The following NEK11 variants were observed in gnomAD, a reference collection of about 807,000 sequenced individuals.
The protein encoded by NEK11 is serine/threonine-protein kinase Nek11.
In NEK11, 72 loss-of-function variants were observed where a neutral mutation model predicts 80.7. The ratio of observed to expected loss-of-function variants is 0.89; its 90% confidence interval spans 0.74 to 1.08. NEK11 has a LOEUF of 1.08. NEK11 is among the 50% of genes least tolerant of loss of function. The pLI, the probability that NEK11 is intolerant of heterozygous loss-of-function variation, is 0.00. For missense variants in NEK11, 764 were observed against 763.6 expected (o/e 1.00, Z -0.01); for synonymous variants, 251 against 260.7 (o/e 0.96, Z 0.36).
At chr3:131,195,025 C>A (rs538639367) in intron 14 of NEK11, among the ~76,000 whole-genome samples, 19 of 152,288 alleles carry the variant, frequency 1.2e-4, no homozygotes, top group African/African-American at 4.3e-4. Context: ...AGTTGCCCAA[C>A]GCTGAGGAGC....
Position 131,080,546 on chromosome 3 carries a change from T to G in NEK11, c.294T>G (p.Phe98Leu), listed in dbSNP as rs1577970653. Residue 98 changes from phenylalanine (F) to leucine (L), a missense_variant, in exon 4 of 18, where the codon TTT (phenylalanine) becomes TTG (leucine). Physicochemically the swap from Phe to Leu is conservative, Grantham distance 22. Coordinates refer to ENST00000383366, the MANE Select transcript of NEK11 (RefSeq NM_024800.5). ...CCATTGTCAAGTTCCATGCAAGTTT[T>G]GTGGAGCAAGATAATTTCTGCATTA... ...HPAIVKFHAS[F>L]VEQDNFCIIT... is the part of the protein sequence containing the mutation. 6.2e-7 allele frequency: 1 copy of G among 1,613,806 alleles called. No individual in the cohort carries two copies. Among genetic ancestry groups the G allele is most frequent in the African/African-American group, 1.3e-5 (1 of 75,014 alleles).
At chr3:131,184,210 A>C (rs1183560424) in intron 14 of NEK11, among the ~76,000 whole-genome samples, 1 of 152,254 alleles carries the variant, frequency 6.6e-6, no homozygotes. Flanking sequence ...ATAGGAATGT[A>C]TCATACCACA....
chr3:131,334,682 G>C (rs1431037529), intron 17 of NEK11, among the ~76,000 whole-genome samples: 1 of 151,932 alleles, frequency 6.6e-6, no homozygotes, highest in Non-Finnish European at 1.5e-5. Flanking sequence ...TCCAGGAGCT[G>C]GTTTTTTTGA....
At chr3:131,037,322 T>C (rs1560116474) in intron 3 of NEK11, among the ~76,000 whole-genome samples, 2 of 151,696 alleles carry the variant, frequency 1.3e-5, no homozygotes, top group Non-Finnish European at 2.9e-5. Context: ...TCTTGCTCTG[T>C]TGCCAGGCTG....
intron 14 of NEK11, among the ~76,000 whole-genome samples, chr3:131,213,581 C>G (rs183692876): frequency 1.3e-5 from 2 of 152,294 alleles, no homozygotes; most frequent in East Asian, 3.9e-4. Flanking sequence ...AATCCTTCAG[C>G]TGTGGTGGTC....
chr3:131,330,112 G>A (rs973092202), intron 17 of NEK11: 2 of 152,188 alleles, frequency 1.3e-5, no homozygotes, highest in African/African-American at 4.8e-5. Context: ...TTTTAAAAAT[G>A]GAGCTGATAG....
chr3:131,299,049 A>G (rs2096632853), intron 17 of NEK11, among the ~76,000 whole-genome samples: 1 of 151,974 alleles, frequency 6.6e-6, no homozygotes. Flanking sequence ...AAGCCCATCA[A>G]AGGCATTCTT....
In NEK11 at chr3:131,191,609, T is replaced by C. The variant is rs575474485; in HGVS notation, c.1399+20722T>C. Among the ~76,000 whole-genome samples, 5 of 152,278 alleles carry C rather than the reference T, an allele frequency of 3.3e-5. No individual in the cohort carries two copies. The South Asian group carries it at 8.3e-4, about 25-fold the overall frequency. On this transcript the variant is annotated intron_variant, in intron 14 of 17. Coordinates refer to ENST00000383366, the MANE Select transcript of NEK11 (RefSeq NM_024800.5). ...CTTAACTCTGCTTTGCCATGTAAGA[T>C]AACATATTCAAAAACTCTGGGGATT...
chr3:131,300,754 C>G (rs1390045702), intron 17 of NEK11, among the ~76,000 whole-genome samples: 1 of 152,134 alleles, frequency 6.6e-6, no homozygotes, highest in Non-Finnish European at 1.5e-5. Flanking sequence ...GTTTTTTGTA[C>G]CAGTACATAC....
At position 131,283,307 on chromosome 3, in the gene NEK11, A is replaced by G. The variant is rs575166072; in HGVS notation, c.1718+9733A>G. Among the ~76,000 whole-genome samples the G allele has an allele frequency of 1.2e-4, 18 of 152,270 alleles. No individual in the cohort carries two copies. The South Asian group carries it at 2.3e-3, about 19-fold the overall frequency. On this transcript the variant is annotated intron_variant, in intron 17 of 17. Transcript: ENST00000383366. ...CATGCTCTGGAACCTATTTGTTTTC[A>G]TTTGGTAGCCATAAGTACAAACCAA...
At chr3:131,253,619 AG>A (rs2095750814) in intron 16 of NEK11, among the ~76,000 whole-genome samples, 1 of 152,160 alleles carries the variant, frequency 6.6e-6, no homozygotes, top group African/African-American at 2.4e-5. Flanking sequence ...GAAGAAAACA[AG>A]TCCCTGTCTT....
At chr3:131,077,188 G>A (rs1491004281) in intron 3 of NEK11, among the ~76,000 whole-genome samples, 1 of 152,146 alleles carries the variant, frequency 6.6e-6, no homozygotes, top group East Asian at 1.9e-4. Context: ...CTCCTGAGTT[G>A]AGGCTCTGAT....
At chr3:131,183,126 A>T (rs1416844026) in intron 14 of NEK11, among the ~76,000 whole-genome samples, 9 of 152,152 alleles carry the variant, frequency 5.9e-5, no homozygotes, top group Non-Finnish European at 7.3e-5. Context: ...TATACTTGAG[A>T]GGGCTGAAAG....
chr3:131,206,596 CAA>C (rs1342332698), intron 14 of NEK11, among the ~76,000 whole-genome samples: 6 of 152,086 alleles, frequency 3.9e-5, no homozygotes, highest in Non-Finnish European at 8.8e-5. Flanking sequence ...AAGTAAGAAA[CAA>C]TAAAAATATG....
At chr3:131,254,487 T>C (rs765518472) in intron 16 of NEK11, among the ~76,000 whole-genome samples, 36 of 152,138 alleles carry the variant, frequency 2.4e-4, no homozygotes, top group Non-Finnish European at 4.3e-4. Flanking sequence ...TTAGCAGAGA[T>C]TAAGGAATTA....
chr3:131,131,827 T>C (rs974392848), intron 5 of NEK11, among the ~76,000 whole-genome samples: 11 of 152,080 alleles, frequency 7.2e-5, no homozygotes, highest in African/African-American at 2.7e-4. Flanking sequence ...TTTTCTAATA[T>C]ATATATTCAG....
At chr3:131,089,087 A>T (rs2076386718) in intron 4 of NEK11, among the ~76,000 whole-genome samples, 1 of 152,238 alleles carries the variant, frequency 6.6e-6, no homozygotes, top group African/African-American at 2.4e-5. Context: ...GGAGTTGTTC[A>T]AATTTTAGAC....
chr3:131,341,166 A>G (rs1470931006), intron 17 of NEK11, among the ~76,000 whole-genome samples: 1 of 152,218 alleles, frequency 6.6e-6, no homozygotes, highest in African/African-American at 2.4e-5. Context: ...TGCAGAATAT[A>G]GTGTGTTTTC....
intron 3 of NEK11, among the ~76,000 whole-genome samples, chr3:131,065,380 C>A (rs536686146): frequency 6.6e-6 from 1 of 152,254 alleles, no homozygotes; most frequent in East Asian, 1.9e-4. Context: ...TCTGACTATT[C>A]CTTGGATAAC....
Sources: allele counts gnomAD v4.1 joint callset (sites outside exome capture counted in the v4.1 genomes callset), GRCh38; gene constraint gnomAD v4.1.1; transcripts MANE v1.5; gene names NCBI Gene and HGNC (gene_info 2026-07-23, HGNC 2026-07-21).